MAP4: variants seen among roughly 807,000 people sequenced by gnomAD.
MAP4 encodes the protein microtubule-associated protein 4.
MAP4 carries 76 observed loss-of-function variants against 170.2 expected under a neutral mutation model. That is an observed-to-expected ratio of 0.45 (90% confidence interval 0.37 to 0.54). MAP4 has a LOEUF of 0.54. Ranked by LOEUF, MAP4 falls within the 20% of genes least tolerant of loss-of-function variation. The pLI, the probability that MAP4 is intolerant of heterozygous loss-of-function variation, is 0.00. For synonymous variants in MAP4, 909 were observed against 994.5 expected, an observed-to-expected ratio of 0.91 and a Z score of 1.62; for missense variants, 2,506 against 2,748.0, an observed-to-expected ratio of 0.91 and a Z score of 1.97.
Position 47,917,103 on chromosome 3 carries a change from T to C in MAP4, c.724A>G (p.Met242Val). 1 of 1,614,180 alleles carries C rather than the reference T, an allele frequency of 6.2e-7. No homozygotes were observed. The highest frequency in any genetic ancestry group is 8.5e-7 in the Non-Finnish European group (1 of 1,179,982). ...ERPPAQALEI[M>V]MGLKTTDMAP... ...ATGTCAGTAGTCTTCAGTCCCATCA[T>C]TATTTCCAATGCTTGTGCTGGTGGC... The change falls in exon 7 of 21, where the codon ATG becomes GTG. Residue 242 changes from methionine (M) to valine (V), a missense_variant. By Grantham distance (21) the Met-to-Val change is conservative (BLOSUM62 1). Around this residue, in one of 3 missense-constraint regions of MAP4, gnomAD observed 2,008 missense variants for 2,206.0 expected, o/e 0.91. Coordinates refer to ENST00000683076, the MANE Select transcript of MAP4 (RefSeq NM_001385682.1).
Position 47,853,246 on chromosome 3 carries a change from C to G in MAP4, c.6803G>C (p.Ser2268Thr). ...APEAGAPTSA[S>T]GLNGHPTLSG... ...CAGGGTGGGGTGGCCATTGAGGCCA[C>G]TGGCTGAAGTGGGGGCGCCAGCTTC... Residue 2268 changes from serine to threonine, a missense_variant, in exon 20 of 21, where the codon AGT becomes ACT. Transcript: ENST00000683076. The G allele has an allele frequency of 6.3e-7, 1 of 1,589,754 alleles. No homozygotes were observed. The highest frequency in any genetic ancestry group is 2.2e-5 in the East Asian group (1 of 44,570).
At chr3:47,998,588 C>CTT in intron 2 of MAP4, 50 bp downstream of exon 2, 1 of 1,437,048 alleles carries the variant, frequency 7.0e-7, no homozygotes, top group Non-Finnish European at 9.8e-7. Context: ...AAGGCATAAT[C>CTT]CCTAACCTGC....
chr3:48,057,691 A>G (rs924812860), intron 1 of MAP4, among the ~76,000 whole-genome samples: 1 of 151,756 alleles, frequency 6.6e-6, no homozygotes, highest in Non-Finnish European at 1.5e-5. Flanking sequence ...TGGCCTAGCA[A>G]CTGTACTCCT....
chr3:48,013,809 A>G (rs2100106520), intron 1 of MAP4, among the ~76,000 whole-genome samples: 1 of 151,502 alleles, frequency 6.6e-6, no homozygotes, highest in Non-Finnish European at 1.5e-5. Context: ...AGCTTAAGAA[A>G]CTCCACCCAG....
At chr3:47,948,184 A>G (rs1049854251) in intron 3 of MAP4, among the ~76,000 whole-genome samples, 4 of 149,450 alleles carry the variant, frequency 2.7e-5, no homozygotes, top group Non-Finnish European at 5.9e-5. Flanking sequence ...TTTTTAGTAG[A>G]GATGGGATTT....
chr3:47,979,507 G>A (rs1226369031), intron 2 of MAP4, among the ~76,000 whole-genome samples: 2 of 152,158 alleles, frequency 1.3e-5, no homozygotes, highest in Non-Finnish European at 2.9e-5. Flanking sequence ...CCAGGCTGGA[G>A]TGCAGTGGCG....
chr3:48,060,166 C>CA (rs1272840489), intron 1 of MAP4, among the ~76,000 whole-genome samples: 1 of 152,130 alleles, frequency 6.6e-6, no homozygotes, highest in Non-Finnish European at 1.5e-5. Flanking sequence ...AGTAAAAACT[C>CA]AGTCACTCAT....
intron 1 of MAP4, among the ~76,000 whole-genome samples, chr3:48,007,892 C>T (rs1384384510): frequency 1.3e-5 from 2 of 151,944 alleles, no homozygotes; most frequent in Non-Finnish European, 2.9e-5. Flanking sequence ...AGGATGGTCT[C>T]GATCTCTTGA....
chr3:47,951,631 C>G (rs1334226777), intron 3 of MAP4, among the ~76,000 whole-genome samples: 1 of 152,168 alleles, frequency 6.6e-6, no homozygotes, highest in Non-Finnish European at 1.5e-5. Context: ...GGATTGCAGA[C>G]GGAGTCTCGT....
intron 1 of MAP4, among the ~76,000 whole-genome samples, chr3:48,005,591 A>C (rs2100101876): frequency 6.6e-6 from 1 of 152,214 alleles, no homozygotes; most frequent in South Asian, 2.1e-4. Flanking sequence ...TATGCATTAA[A>C]AGATGGCCCA....
rs772079994 is a variant in MAP4 at position 47,910,059 on chromosome 3, A to T, written c.4362T>A (p.Gly1454=). Residue 1454 remains glycine (G), a synonymous_variant, in exon 9 of 21, where the codon GGT becomes GGA. Transcript: ENST00000683076. ...PTPTPQVVKE[G]DSFPDTLAKN... ...TTGCCAAGGTATCTGGAAAGGAATC[A>T]CCTTCCTTTACTACTTGAGGAGTAG... The T allele has an allele frequency of 5.6e-6, 9 of 1,613,920 alleles. No individual in the cohort carries two copies. Among genetic ancestry groups the T allele is most frequent in the Non-Finnish European group, 7.6e-6 (9 of 1,179,850 alleles).
At chr3:47,913,313 A>G (rs1231443802) in intron 8 of MAP4, among the ~76,000 whole-genome samples, 1 of 152,182 alleles carries the variant, frequency 6.6e-6, no homozygotes, top group Non-Finnish European at 1.5e-5. Flanking sequence ...GAATATTATA[A>G]TATGTAAATA....
At chr3:47,999,554 C>A (rs777955770) in intron 1 of MAP4, among the ~76,000 whole-genome samples, 43 of 152,204 alleles carry the variant, frequency 2.8e-4, no homozygotes, top group Middle Eastern at 3.4e-3. Context: ...TTTGTGGGAA[C>A]ATAGATGGGA....
intron 3 of MAP4, among the ~76,000 whole-genome samples, chr3:47,949,814 CTCT>C (rs1484816535): frequency 2.0e-5 from 3 of 152,122 alleles, no homozygotes; most frequent in African/African-American, 7.2e-5. Context: ...CTGTGTTTTC[CTCT>C]TCTTTCTCCC....
chr3:47,911,403 A>G lies in MAP4; in HGVS notation c.3018T>C (p.Phe1006=). ...CTTTATCCTCTTCAGCTCCTTCAGG[A>G]AACTCCTTCAGTTTGACATTCTGCA... ...TKLQNVKLKE[F]PEGAEEDKEL... is the part of the protein sequence containing the mutation. Residue 1006 remains phenylalanine (F), a synonymous_variant, in exon 9 of 21, where the codon TTT becomes TTC. Coordinates refer to ENST00000683076, the MANE Select transcript of MAP4 (RefSeq NM_001385682.1). This position sits in a 1 kb window ranked among gnomAD's most constrained non-coding sequence, Gnocchi z 4.0. 2.6e-6 allele frequency: 4 copies of G among 1,536,128 alleles called. No individual in the cohort carries two copies. The highest frequency in any genetic ancestry group is 2.4e-5 in the East Asian group (1 of 40,926).
At chr3:48,075,428 G>A (rs754364958) in intron 1 of MAP4, among the ~76,000 whole-genome samples, 47 of 151,962 alleles carry the variant, frequency 3.1e-4, no homozygotes, top group Non-Finnish European at 4.9e-4. Context: ...AAGACGCAGA[G>A]GCAGGAGAAT....
intron 1 of MAP4, among the ~76,000 whole-genome samples, chr3:48,079,830 G>C (rs545012773): frequency 6.7e-6 from 1 of 148,962 alleles, no homozygotes; most frequent in Non-Finnish European, 1.5e-5. Flanking sequence ...GGTACTTGTA[G>C]TCCCAGCTAC....
intron 5 of MAP4, among the ~76,000 whole-genome samples, chr3:47,920,935 A>G (rs781745916): frequency 3.7e-4 from 57 of 152,134 alleles, no homozygotes; most frequent in Non-Finnish European, 7.2e-4. Flanking sequence ...AAGCGGGTGG[A>G]TCACTTGAGC....
At chr3:47,861,464 T>A (rs2065794442) in intron 17 of MAP4, among the ~76,000 whole-genome samples, 1 of 150,974 alleles carries the variant, frequency 6.6e-6, no homozygotes, top group African/African-American at 2.4e-5. Context: ...GCGATTCTCC[T>A]GCCTCAGCTT....
Sources: gnomAD v4.1 joint callset for allele counts (sites outside exome capture counted in the v4.1 genomes callset) on GRCh38, gnomAD v4.1.1 for gene constraint, gnomAD v4.1.1 regional missense constraint, Gnocchi (gnomAD v3.1) non-coding constraint, MANE v1.5 for transcripts, NCBI Gene and HGNC (gene_info 2026-07-23, HGNC 2026-07-21) for gene names.